Variants in HSP90AA1 observed in about 807,000 individuals in gnomAD.
HSP90AA1 encodes the protein heat shock protein HSP 90-alpha.
In HSP90AA1, 18 loss-of-function variants were observed where a neutral mutation model predicts 73.3. The ratio of observed to expected loss-of-function variants is 0.25; its 90% CI spans 0.17 to 0.36. The LOEUF (loss-of-function observed/expected upper bound fraction) is 0.36, where lower values mean the gene tolerates loss of function less well. Ranked by LOEUF, HSP90AA1 falls within the 10% of genes least tolerant of loss-of-function variation. HSP90AA1 has a pLI of 1.00. For synonymous variants in HSP90AA1, 477 were observed against 296.9 expected (o/e 1.61, Z -6.24); for missense variants, 704 against 874.2 (o/e 0.81, Z 2.45).
At chr14:102,111,606 G>A (rs545353227) in intron 1 of HSP90AA1, among the ~76,000 whole-genome samples, 2 of 152,230 alleles carry the variant, frequency 1.3e-5, no homozygotes, top group African/African-American at 4.8e-5. Flanking sequence ...GCACAAAGAG[G>A]GTAAATTGAA....
At chr14:102,090,328 T>C (rs1051305553), upstream of HSP90AA1, among the ~76,000 whole-genome samples, 1 of 152,212 alleles carries the variant, frequency 6.6e-6, no homozygotes, top group African/African-American at 2.4e-5. Flanking sequence ...TGGTGCCCTC[T>C]CCTTCAGAGT....
chr14:102,092,445 G>A (rs1484691461), intron 2 of HSP90AA1, among the ~76,000 whole-genome samples: 1 of 151,998 alleles, frequency 6.6e-6, no homozygotes, highest in Non-Finnish European at 1.5e-5. Context: ...AATTTATTGG[G>A]CCTTGTTTAA....
intron 1 of HSP90AA1, among the ~76,000 whole-genome samples, chr14:102,121,517 T>A (rs756340245): frequency 1.3e-5 from 2 of 152,202 alleles, no homozygotes; most frequent in Non-Finnish European, 2.9e-5. Context: ...CAACTTGCAT[T>A]CTCACTAATG....
chr14:102,120,998 TACACACACACACACACACACACATAC>T (rs1209414914), intron 1 of HSP90AA1, among the ~76,000 whole-genome samples: 17 of 149,332 alleles, frequency 1.1e-4, no homozygotes, highest in Non-Finnish European at 1.8e-4. Flanking sequence ...ATCTGCAACA[TACACACACACACACACACACACATAC>T]ACACACACAC....
At chr14:102,082,585 TATC>T (rs2049123583) in intron 9 of HSP90AA1, 141 bp from the exon 10 acceptor site, 1 of 698,696 alleles carries the variant, frequency 1.4e-6, no homozygotes, top group Non-Finnish European at 2.5e-6. Flanking sequence ...TCGCATTAGG[TATC>T]CAAAGAGCAC....
At chr14:102,138,726 A>G (rs548157087) in intron 1 of HSP90AA1, among the ~76,000 whole-genome samples, 1 of 152,190 alleles carries the variant, frequency 6.6e-6, no homozygotes, top group Non-Finnish European at 1.5e-5. Context: ...GGTGTTACAA[A>G]TGTTGGCTTC....
exon 2 of HSP90AA1, chr14:102,102,002 C>G: frequency 6.2e-7 from 1 of 1,614,168 alleles, no homozygotes; most frequent in African/African-American, 1.3e-5. Flanking sequence ...TTTCCAGAGA[C>G]AGAGTAGAGT....
Position 102,081,844 on chromosome 14 carries a change from A to G in HSP90AA1, c.2090-23T>C, listed in dbSNP as rs750696062. ...TACCTGTTTCCAAAATAAAATCCTC[A>G]TATTACAAAGATTTCTTAAAGCCAG... is the stretch of plus-strand genomic sequence containing the variant. On this transcript the variant is annotated intron_variant, in intron 10 of 10. Transcript: ENST00000216281. The G allele has an allele frequency of 3.6e-5, 40 of 1,119,672 alleles. No individual in the cohort carries two copies. The Admixed American group carries it at 5.1e-4, about 14-fold the overall frequency. 69.4% of individuals were successfully genotyped at this position (1,119,672 alleles called of 1,614,324 possible). A position where few individuals can be genotyped will look rare whatever the true frequency, so the allele number is the denominator to read the frequency against.
At chr14:102,107,495 T>C (rs1239208601) in intron 1 of HSP90AA1, among the ~76,000 whole-genome samples, 1 of 152,002 alleles carries the variant, frequency 6.6e-6, no homozygotes, top group Admixed American at 6.6e-5. Context: ...TAGCTAATTT[T>C]TGAATTTTTA....
In HSP90AA1 at chr14:102,081,472, C is replaced by A. The variant is rs1465826045; in HGVS notation, c.*240G>T. On this transcript the variant is annotated 3_prime_UTR_variant, in exon 11 of 11. Coordinates refer to ENST00000216281, the MANE Select transcript of HSP90AA1 (RefSeq NM_005348.4). ...CATGTTACATACGTCTTACAGTGCA[C>A]GTTACCCCAATCTGTGAAAATAAAC... The A allele has an allele frequency of 3.5e-6, 2 of 576,360 alleles. No homozygotes were observed. The highest frequency in any genetic ancestry group is 1.9e-5 in the African/African-American group (1 of 53,462). 35.7% of individuals were successfully genotyped at this position (576,360 alleles called of 1,614,324 possible). A position where few individuals can be genotyped will look rare whatever the true frequency, so the allele number is the denominator to read the frequency against.
upstream of HSP90AA1, among the ~76,000 whole-genome samples, chr14:102,090,405 C>T (rs1474399462): frequency 3.3e-5 from 5 of 152,160 alleles, no homozygotes; most frequent in African/African-American, 1.2e-4. Flanking sequence ...TCCTGCTTCA[C>T]CGCCTTTTCT....
Position 102,083,093 on chromosome 14 carries a change from T to C in HSP90AA1, c.1696A>G (p.Thr566Ala). The C allele has an allele frequency of 1.2e-6, 2 of 1,613,884 alleles. No individual in the cohort carries two copies. Among genetic ancestry groups the C allele is most frequent in the Non-Finnish European group, 1.7e-6 (2 of 1,179,810 alleles). ...EEKKKQEEKK[T>A]KFENLCKIMK... The stretch of plus-strand genomic sequence containing the variant: ...ATTTTGCAGAGGTTCTCAAACTTTG[T>C]TTTTTTCTCTTCCTGCTTCTTTTTC... The change falls in exon 9 of 11, where the codon ACA (threonine) becomes GCA (alanine). Residue 566 changes from threonine to alanine, a missense_variant. Physicochemically the swap from Thr to Ala is moderately conservative, Grantham distance 58. Transcript: ENST00000216281.
intron 1 of HSP90AA1, among the ~76,000 whole-genome samples, chr14:102,132,935 G>A (rs1178966893): frequency 1.3e-5 from 2 of 150,132 alleles, no homozygotes; most frequent in African/African-American, 2.5e-5. Context: ...ACTCCAGCCT[G>A]GGCCACAGGG....
chr14:102,108,531 CTT>C lies in HSP90AA1; in HGVS notation c.156-6448_156-6447del, dbSNP rs35612478. Among the ~76,000 whole-genome samples the C allele has an allele frequency of 2.7e-3, 348 of 130,710 alleles. 1 individual carries two copies. Among genetic ancestry groups the C allele is most frequent in the African/African-American group, 9.4e-3 (326 of 34,672 alleles). The allele number at this position is 130,710 out of a possible 152,430, so 85.8% of individuals were successfully genotyped here. On this transcript the variant is annotated intron_variant, in intron 1 of 11. Transcript: ENST00000334701. ...TAATTTTTACACATCTAACTTATAA[CTT>C]TTTTTTTTTTTTTTTTTTTGAGATG...
intron 9 of HSP90AA1, 89 bp from the exon 10 acceptor site, chr14:102,082,533 A>G (rs1343438209): frequency 8.4e-6 from 8 of 956,452 alleles, no homozygotes; most frequent in Admixed American, 2.0e-5. Flanking sequence ...CCAAATTTCA[A>G]TAGATCCAAA....
At position 102,086,513 on chromosome 14, in the gene HSP90AA1, G is replaced by A. The variant is rs959142255; in HGVS notation, c.1-135C>T. On this transcript the variant is annotated intron_variant, in intron 1 of 10. Transcript: ENST00000216281. Reference sequence around the variant, plus strand: ...GTTTAAGTAAACCGAAAATAGAAGGGCGGCTGACAAAGGATGACCTCATTT... The same window carrying A: ...GTTTAAGTAAACCGAAAATAGAAGGACGGCTGACAAAGGATGACCTCATTT... The A allele has an allele frequency of 7.9e-6, 8 of 1,012,120 alleles. No homozygotes were observed. The East Asian group carries it at 1.2e-4, about 15-fold the overall frequency. 62.7% of individuals were successfully genotyped at this position (1,012,120 alleles called of 1,614,324 possible). A position where few individuals can be genotyped will look rare whatever the true frequency, so the allele number is the denominator to read the frequency against.
In HSP90AA1 at chr14:102,086,080, T is replaced by C. The variant is rs1201802811; in HGVS notation, c.207A>G (p.Lys69=). ...IRYESLTDPS[K]LDSGKELHIN... is the part of the protein sequence containing the mutation. ...TATGCAGCTCTTTCCCAGAGTCTAATTTACTGGGATCTGTCAAGCTTTCAT... is the reference window on the plus strand; with the variant it reads ...TATGCAGCTCTTTCCCAGAGTCTAACTTACTGGGATCTGTCAAGCTTTCAT... The change falls in exon 3 of 11, where the codon AAA becomes AAG. Residue 69 remains lysine (K), a synonymous_variant. Transcript: ENST00000216281. 1 of 1,613,926 alleles carries C rather than the reference T, an allele frequency of 6.2e-7. No homozygotes were observed. Among genetic ancestry groups the C allele is most frequent in the East Asian group, 2.2e-5 (1 of 44,890 alleles).
intron 8 of HSP90AA1, 98 bp from the exon 9 acceptor site, chr14:102,083,400 T>C (rs1595655399): frequency 6.8e-7 from 1 of 1,468,644 alleles, no homozygotes; most frequent in Non-Finnish European, 9.5e-7. Context: ...AGGCAGAACC[T>C]AAGACAGAAA....
In HSP90AA1 at chr14:102,081,036, T is replaced by G. The variant is rs34287031; in HGVS notation, c.*676A>C. On this transcript the variant is annotated 3_prime_UTR_variant, in exon 11 of 11. Transcript: ENST00000216281. ...TCCCCTTTCCCCCTAAATAAGACAC[T>G]GTCACACAATATCTTTTAACTCATC... 0.021 allele frequency: 4,707 copies of G among 227,780 alleles called. 220 individuals are homozygous for G. The highest frequency in any genetic ancestry group is 0.094 in the African/African-American group (4,252 of 45,102). 14.1% of individuals were successfully genotyped at this position (227,780 alleles called of 1,614,324 possible).
Sources: allele counts gnomAD v4.1 joint callset (sites outside exome capture counted in the v4.1 genomes callset), GRCh38; gene constraint gnomAD v4.1.1; transcripts MANE v1.5; gene names NCBI Gene and HGNC (gene_info 2026-07-23, HGNC 2026-07-21).